The following FAXC variants were observed in gnomAD, a reference collection of about 807,000 sequenced individuals.
FAXC encodes the protein failed axon connections homolog, metaxin like GST domain containing, also known as failed axon connections homolog.
A neutral mutation model predicts 41.9 loss-of-function variants in FAXC; 10 were observed. The ratio of observed to expected loss-of-function variants is 0.24; its 90% CI spans 0.15 to 0.41. The LOEUF (loss-of-function observed/expected upper bound fraction) is 0.41. Among genes scored for constraint, FAXC ranks in the 10% least tolerant of loss-of-function variants. FAXC has a pLI of 1.00. For synonymous variants in FAXC, 183 were observed against 183.8 expected (o/e 1.00, Z 0.03); for missense variants, 399 against 510.9 (o/e 0.78, Z 2.11).
intron 4 of FAXC, among the ~76,000 whole-genome samples, chr6:99,314,847 T>A (rs1772278647): frequency 2.0e-5 from 3 of 152,160 alleles, no homozygotes; most frequent in Admixed American, 2.0e-4. Context: ...CCTTCTCTAG[T>A]CCACGCTATT....
chr6:99,309,652 G>T (rs1432071731), intron 4 of FAXC, among the ~76,000 whole-genome samples: 1 of 152,186 alleles, frequency 6.6e-6, no homozygotes, highest in Non-Finnish European at 1.5e-5. Context: ...GGAATGGAGA[G>T]GCTGAGTGAA....
chr6:99,343,059 G>C lies in FAXC; in HGVS notation c.267-26C>G, dbSNP rs749180245. On this transcript the variant is annotated intron_variant, in intron 1 of 5. Transcript: ENST00000389677. ...CTGTCAAAACCAAAACAGAAATAAA[G>C]TACAATCCACATGTTATCCACATTC... 4 of 1,585,934 alleles carry C rather than the reference G, an allele frequency of 2.5e-6. No homozygotes were observed. In the Admixed American group the frequency reaches 5.5e-5, roughly 22 times the overall value.
At position 99,333,504 on chromosome 6, in the gene FAXC, CA is replaced by C. The variant is rs779974453; in HGVS notation, c.445del (p.Trp149GlyfsTer15). On this transcript the variant is annotated frameshift_variant, in exon 3 of 6. Coordinates refer to ENST00000389677, the MANE Select transcript of FAXC (RefSeq NM_032511.4). LOFTEE classifies it high-confidence loss of function. ...AACTTTTTCATGATTATATTCAATC[CA>C]AGGCATTTTCCCTTGAGCAGAGAGT... ...GKLSAQGKMP[W>X]IEYNHEKVSG... The C allele has an allele frequency of 6.2e-7, 1 of 1,613,614 alleles. No individual in the cohort carries two copies. The highest frequency in any genetic ancestry group is 8.5e-7 in the Non-Finnish European group (1 of 1,179,864).
chr6:99,296,107 T>C (rs779914858), intron 4 of FAXC, among the ~76,000 whole-genome samples: 3 of 152,252 alleles, frequency 2.0e-5, no homozygotes, highest in Non-Finnish European at 4.4e-5. Context: ...AATACTCTCA[T>C]TATTTTGTTG....
intron 3 of FAXC, among the ~76,000 whole-genome samples, chr6:99,328,867 T>C (rs1409824373): frequency 1.3e-5 from 2 of 152,214 alleles, no homozygotes; most frequent in African/African-American, 4.8e-5. Flanking sequence ...CACTCATTCA[T>C]TAAGTTTGCA....
upstream of FAXC, chr6:99,349,751 C>T (rs1326306891): frequency 6.6e-6 from 1 of 152,020 alleles, no homozygotes; most frequent in East Asian, 1.9e-4. Context: ...GCCCCCTCCC[C>T]GCATCTCCGC....
intron 4 of FAXC, among the ~76,000 whole-genome samples, chr6:99,321,813 C>A (rs1275497635): frequency 6.6e-6 from 1 of 152,200 alleles, no homozygotes; most frequent in Non-Finnish European, 1.5e-5. Context: ...CAGAAATGTC[C>A]CGAAAGGTGA....
At chr6:99,284,595 G>GTC (rs1169594536) in intron 5 of FAXC, among the ~76,000 whole-genome samples, 2 of 139,652 alleles carry the variant, frequency 1.4e-5, no homozygotes, top group East Asian at 2.1e-4. Context: ...GTGTGTGTGT[G>GTC]TGTGATAAGC....
intron 5 of FAXC, among the ~76,000 whole-genome samples, chr6:99,282,265 C>G (rs1254400778): frequency 2.0e-5 from 3 of 152,048 alleles, no homozygotes; most frequent in African/African-American, 7.2e-5. Flanking sequence ...ATTAAGTCAG[C>G]CAGAAGTAAT....
intron 3 of FAXC, among the ~76,000 whole-genome samples, chr6:99,327,301 A>C (rs1357741978): frequency 2.0e-5 from 3 of 152,190 alleles, no homozygotes; most frequent in Non-Finnish European, 2.9e-5. Context: ...AGAAGATATC[A>C]CATTGTATAT....
chr6:99,333,480 A>G lies in FAXC; in HGVS notation c.470T>C (p.Val157Ala). 1.2e-6 allele frequency: 2 copies of G among 1,614,098 alleles called. No homozygotes were observed. Among genetic ancestry groups the G allele is most frequent in the Non-Finnish European group, 1.7e-6 (2 of 1,180,000 alleles). The change falls in exon 3 of 6, where the codon GTT (valine) becomes GCT (alanine). Residue 157 changes from valine (V) to alanine (A), a missense_variant. By Grantham distance (64) the Val-to-Ala change is moderately conservative. Coordinates refer to ENST00000389677, the MANE Select transcript of FAXC (RefSeq NM_032511.4). ...MPWIEYNHEKVSGTEFIIDFL... is the reference protein window; with the variant it reads ...MPWIEYNHEKASGTEFIIDFL... ...GTCAATTATGAATTCTGTGCCAGAAACTTTTTCATGATTATATTCAATCCA... is the reference window on the plus strand; with the variant it reads ...GTCAATTATGAATTCTGTGCCAGAAGCTTTTTCATGATTATATTCAATCCA...
intron 3 of FAXC, 148 bp from the exon 4 acceptor site, chr6:99,323,815 T>G (rs1005819566): frequency 4.7e-6 from 3 of 639,420 alleles, no homozygotes; most frequent in Non-Finnish European, 2.7e-6. Context: ...GCATGGCAGC[T>G]ATCACAACAG....
intron 4 of FAXC, among the ~76,000 whole-genome samples, chr6:99,318,260 A>AAC (rs71021723): frequency 0.084 from 5,444 of 64,604 alleles, 210 homozygotes; most frequent in Non-Finnish European, 0.12. Context: ...CTCCGTCTCA[A>AAC]ACACACACAC....
chr6:99,332,955 A>T (rs1291465140), intron 3 of FAXC, among the ~76,000 whole-genome samples: 2 of 152,192 alleles, frequency 1.3e-5, no homozygotes, highest in Non-Finnish European at 2.9e-5. Flanking sequence ...TAAATGGTTG[A>T]AAAAAATCAA....
At chr6:99,340,666 CTTTTTT>C (rs61071426) in intron 2 of FAXC, among the ~76,000 whole-genome samples, 3 of 96,950 alleles carry the variant, frequency 3.1e-5, no homozygotes, top group Admixed American at 1.1e-4. Flanking sequence ...GCTAAAATTC[CTTTTTT>C]TTTTTTTTTT....
chr6:99,293,718 G>GTC (rs1771349994), intron 4 of FAXC, among the ~76,000 whole-genome samples: 14 of 146,516 alleles, frequency 9.6e-5, no homozygotes, highest in Middle Eastern at 3.4e-3. Context: ...GTGTGTCTGT[G>GTC]TGTGTGTGTG....
At chr6:99,300,907 T>G (rs1486897643) in intron 4 of FAXC, among the ~76,000 whole-genome samples, 1 of 152,336 alleles carries the variant, frequency 6.6e-6, no homozygotes, top group Non-Finnish European at 1.5e-5. Flanking sequence ...GAAAGCTGAA[T>G]AGCAGCAGAT....
chr6:99,322,767 G>C (rs1360613454), intron 4 of FAXC, among the ~76,000 whole-genome samples: 1 of 152,168 alleles, frequency 6.6e-6, no homozygotes, highest in African/African-American at 2.4e-5. Flanking sequence ...CCCCTCAACC[G>C]GTCAGGGGAG....
intron 5 of FAXC, among the ~76,000 whole-genome samples, chr6:99,287,285 A>T (rs540587239): frequency 6.6e-6 from 1 of 152,178 alleles, no homozygotes; most frequent in Non-Finnish European, 1.5e-5. Context: ...AAATATATAT[A>T]TACATACTTA....
Sources: gnomAD v4.1 joint callset for allele counts (sites outside exome capture counted in the v4.1 genomes callset) on GRCh38, gnomAD v4.1.1 for gene constraint, MANE v1.5 for transcripts, NCBI Gene and HGNC (gene_info 2026-07-23, HGNC 2026-07-21) for gene names.